The following HS3ST3A1 variants were observed in gnomAD, a reference collection of about 807,000 sequenced individuals.
HS3ST3A1 encodes heparan sulfate-glucosamine 3-sulfotransferase 3A1.
Under a neutral mutation model 25.7 loss-of-function variants are expected in HS3ST3A1, and 19 were observed. The observed-to-expected ratio is 0.74, with a 90% confidence interval of 0.52 to 1.08. The LOEUF (loss-of-function observed/expected upper bound fraction) is 1.08. HS3ST3A1 is among the 50% of genes least tolerant of loss of function. HS3ST3A1 has a pLI of 0.00. For missense variants in HS3ST3A1, 459 were observed against 594.3 expected (o/e 0.77, Z 2.37); for synonymous variants, 226 against 278.6 (o/e 0.81, Z 1.88).
chr17:13,523,227 A>C (rs1471295278), intron 1 of HS3ST3A1, among the ~76,000 whole-genome samples: 2 of 152,204 alleles, frequency 1.3e-5, no homozygotes, highest in African/African-American at 4.8e-5. Context: ...CCCAATCTGC[A>C]TTTGAAGAAC....
At position 13,551,086 on chromosome 17, in the gene HS3ST3A1, A is replaced by G. The variant is rs140213937; in HGVS notation, c.599+49445T>C. On this transcript the variant is annotated intron_variant, in intron 1 of 1. Transcript: ENST00000284110. ...TGTCTCAAAAAAAAAAAAAAAATGA[A>G]ATCAATTCAAAAAAATCTATAACGA... Among the ~76,000 whole-genome samples the G allele has an allele frequency of 5.0e-3, 725 of 145,700 alleles. 8 individuals are homozygous for G. Among genetic ancestry groups the G allele is most frequent in the African/African-American group, 0.016 (604 of 38,808 alleles).
At chr17:13,539,424 C>T (rs556839521) in intron 1 of HS3ST3A1, among the ~76,000 whole-genome samples, 6 of 152,194 alleles carry the variant, frequency 3.9e-5, no homozygotes, top group South Asian at 2.1e-4. Context: ...TCAACCCTAG[C>T]GTGGATGAGG....
chr17:13,574,761 A>C (rs11658774), intron 1 of HS3ST3A1, among the ~76,000 whole-genome samples: 189 of 103,804 alleles, frequency 1.8e-3, no homozygotes, highest in Middle Eastern at 0.014. Context: ...CACACACACA[A>C]AAAACACACA....
At chr17:13,513,270 C>T (rs73982020) in intron 1 of HS3ST3A1, among the ~76,000 whole-genome samples, 2,155 of 152,310 alleles carry the variant, frequency 0.014, 49 homozygotes, top group African/African-American at 0.049. Flanking sequence ...CTGCAGACGC[C>T]TCACATCTGT....
intron 1 of HS3ST3A1, chr17:13,543,388 C>G (rs1906990487): frequency 6.4e-6 from 1 of 155,814 alleles, no homozygotes; most frequent in Admixed American, 6.6e-5. Context: ...AGTGTTATAT[C>G]GAGAGATGTG....
intron 1 of HS3ST3A1, among the ~76,000 whole-genome samples, chr17:13,586,595 C>T (rs1908272775): frequency 1.3e-5 from 2 of 151,822 alleles, no homozygotes; most frequent in Middle Eastern, 3.4e-3. Flanking sequence ...AGGCCGGGCG[C>T]GGTGGCTCAC....
chr17:13,544,895 TGCTAA>T (rs1337427176), intron 1 of HS3ST3A1, among the ~76,000 whole-genome samples: 7 of 152,326 alleles, frequency 4.6e-5, no homozygotes, highest in African/African-American at 1.7e-4. Context: ...GAAATGACGA[TGCTAA>T]GCGGGGCGTT....
At chr17:13,527,489 G>T (rs886965346) in intron 1 of HS3ST3A1, among the ~76,000 whole-genome samples, 10 of 152,146 alleles carry the variant, frequency 6.6e-5, no homozygotes, top group African/African-American at 2.4e-4. Flanking sequence ...CCTGCTCTGG[G>T]TTTGGTAATT....
chr17:13,600,216 CT>C (rs11289469), intron 1 of HS3ST3A1, among the ~76,000 whole-genome samples: 35,300 of 148,896 alleles, frequency 0.24, 5,893 homozygotes, highest in African/African-American at 0.48. Context: ...TTAGAAGAGA[CT>C]TTTTTTTTTT....
At chr17:13,557,464 CAACA>C (rs1190420874) in intron 1 of HS3ST3A1, among the ~76,000 whole-genome samples, 2 of 150,202 alleles carry the variant, frequency 1.3e-5, no homozygotes, top group African/African-American at 4.9e-5. Context: ...GTAACAACAA[CAACA>C]AAAAAACCCA....
At chr17:13,551,131 G>A (rs931952389) in intron 1 of HS3ST3A1, among the ~76,000 whole-genome samples, 13 of 147,728 alleles carry the variant, frequency 8.8e-5, no homozygotes, top group Admixed American at 4.8e-4. Context: ...CAATAATCAC[G>A]AGGTCAGGAG....
chr17:13,561,340 G>T (rs1907542170), intron 1 of HS3ST3A1, among the ~76,000 whole-genome samples: 1 of 151,284 alleles, frequency 6.6e-6, no homozygotes. Flanking sequence ...CTCTGCTCCT[G>T]ATTTTCTTGT....
intron 1 of HS3ST3A1, among the ~76,000 whole-genome samples, chr17:13,528,260 G>A (rs1189956071): frequency 1.3e-5 from 2 of 152,182 alleles, no homozygotes; most frequent in Non-Finnish European, 2.9e-5. Flanking sequence ...ACTCTGGCAG[G>A]CAACAAAAAG....
intron 1 of HS3ST3A1, among the ~76,000 whole-genome samples, chr17:13,529,277 C>T (rs530596097): frequency 3.3e-5 from 5 of 151,920 alleles, no homozygotes; most frequent in Non-Finnish European, 5.9e-5. Context: ...ATCTCTAGGC[C>T]CATGTTTTGA....
At chr17:13,596,086 T>C (rs1908567921) in intron 1 of HS3ST3A1, among the ~76,000 whole-genome samples, 1 of 152,176 alleles carries the variant, frequency 6.6e-6, no homozygotes, top group African/African-American at 2.4e-5. Flanking sequence ...ATTTTCTTTT[T>C]AAAGAGCAGG....
intron 1 of HS3ST3A1, among the ~76,000 whole-genome samples, chr17:13,598,713 T>C (rs1170426431): frequency 6.6e-6 from 1 of 152,080 alleles, no homozygotes; most frequent in Non-Finnish European, 1.5e-5. Flanking sequence ...TGTTTCTAGT[T>C]ACCTTGAAAC....
chr17:13,529,071 G>T (rs1310197671), intron 1 of HS3ST3A1, among the ~76,000 whole-genome samples: 1 of 152,118 alleles, frequency 6.6e-6, no homozygotes, highest in Non-Finnish European at 1.5e-5. Context: ...AGAAGAATGA[G>T]CTGTACAAAG....
chr17:13,541,375 G>A (rs1244447044), intron 1 of HS3ST3A1, among the ~76,000 whole-genome samples: 10 of 152,078 alleles, frequency 6.6e-5, no homozygotes, highest in African/African-American at 2.4e-4. Context: ...CAAAAGGTTA[G>A]GAATTAAAGA....
At chr17:13,536,185 A>C (rs1170210409) in intron 1 of HS3ST3A1, among the ~76,000 whole-genome samples, 1 of 152,180 alleles carries the variant, frequency 6.6e-6, no homozygotes, top group Non-Finnish European at 1.5e-5. Context: ...GCTTGAAAGA[A>C]GGCATTTTGG....
Sources: allele counts gnomAD v4.1 joint callset (sites outside exome capture counted in the v4.1 genomes callset), GRCh38; gene constraint gnomAD v4.1.1; transcripts MANE v1.5; gene names NCBI Gene and HGNC (gene_info 2026-07-23, HGNC 2026-07-21).